ADAMTS2: variants seen among roughly 807,000 people sequenced by gnomAD.
ADAMTS2 encodes A disintegrin and metalloproteinase with thrombospondin motifs 2.
A neutral mutation model predicts 123.0 loss-of-function variants in ADAMTS2; 50 were observed. The ratio of observed to expected loss-of-function variants is 0.41; its 90% CI spans 0.32 to 0.51. The LOEUF (loss-of-function observed/expected upper bound fraction) is 0.51. Ranked by LOEUF, ADAMTS2 falls within the 20% of genes least tolerant of loss-of-function variation. ADAMTS2 has a pLI of 0.35. For missense variants in ADAMTS2, 1,494 were observed against 1,705.2 expected, an observed-to-expected ratio of 0.88 and a Z score of 2.18; for synonymous variants, 678 against 695.4, an observed-to-expected ratio of 0.98 and a Z score of 0.39.
At chr5:179,206,958 C>A (rs574727816) in intron 4 of ADAMTS2, among the ~76,000 whole-genome samples, 1 of 152,170 alleles carries the variant, frequency 6.6e-6, no homozygotes, top group Non-Finnish European at 1.5e-5. Context: ...CCCAATTCCT[C>A]CCACTGCGAG....
intron 5 of ADAMTS2, among the ~76,000 whole-genome samples, chr5:179,176,066 G>C (rs1224748843): frequency 6.6e-6 from 1 of 152,104 alleles, no homozygotes. Flanking sequence ...CTTTGACCTT[G>C]GGACCCCTCT....
chr5:179,267,646 T>C (rs1242223387), intron 3 of ADAMTS2, among the ~76,000 whole-genome samples: 1 of 152,218 alleles, frequency 6.6e-6, no homozygotes, highest in Non-Finnish European at 1.5e-5. Flanking sequence ...TACCTCTGCA[T>C]CACAGAAAGC....
chr5:179,181,413 T>G lies in ADAMTS2; in HGVS notation c.892-258A>C, dbSNP rs145264910. Among the ~76,000 whole-genome samples, 999 of 152,218 alleles carry G rather than the reference T, an allele frequency of 6.6e-3. 12 individuals carry two copies. Among genetic ancestry groups the G allele is most frequent in the African/African-American group, 0.022 (922 of 41,550 alleles). On this transcript the variant is annotated intron_variant, in intron 4 of 21. Coordinates refer to ENST00000251582, the MANE Select transcript of ADAMTS2 (RefSeq NM_014244.5). The surrounding 1 kb of genome is among the most constrained non-coding windows in gnomAD (Gnocchi z 4.1). ...CCCACCAGCCCAGGGTTTCCTCACCTGGGGCCTGAACATGGAACGTGGGCA... is the reference window on the plus strand; with the variant it reads ...CCCACCAGCCCAGGGTTTCCTCACCGGGGGCCTGAACATGGAACGTGGGCA...
rs536176653 is a variant in ADAMTS2, at chr5:179,123,633, C to T, written c.2959-860G>A. On this transcript the variant is annotated intron_variant, in intron 19 of 21. Transcript: ENST00000251582. Reference sequence around the variant, plus strand: ...TTGTAAAGACGGTGTTTTGCCATGCCGCCCAGGCTGGTCTCTAACACCTGA... The same window carrying T: ...TTGTAAAGACGGTGTTTTGCCATGCTGCCCAGGCTGGTCTCTAACACCTGA... 6.7e-4 allele frequency among the ~76,000 whole-genome samples: 102 copies of T among 152,264 alleles called. 1 individual carries two copies. The highest frequency in any genetic ancestry group is 2.1e-3 in the African/African-American group (89 of 41,550).
rs1480092350 is a variant in ADAMTS2 at position 179,345,333 on chromosome 5, G to A, written c.-5C>T. On this transcript the variant is annotated 5_prime_UTR_variant, in exon 1 of 22. Coordinates refer to ENST00000251582, the MANE Select transcript of ADAMTS2 (RefSeq NM_014244.5). This position sits in a 1 kb window ranked among gnomAD's most constrained non-coding sequence, Gnocchi z 7.5. ...GGCTCCCGCCGGCGGATCCATGGCAGCCGGACTGCAGCCGGGGCCCCGCAC... is the reference window on the plus strand; with the variant it reads ...GGCTCCCGCCGGCGGATCCATGGCAACCGGACTGCAGCCGGGGCCCCGCAC... 5.2e-5 allele frequency: 59 copies of A among 1,134,592 alleles called. No individual in the cohort carries two copies. The highest frequency in any genetic ancestry group is 5.9e-5 in the Non-Finnish European group (55 of 925,910). 70.3% of individuals were successfully genotyped at this position (1,134,592 alleles called of 1,614,324 possible). A position where few individuals can be genotyped will look rare whatever the true frequency, so the allele number is the denominator to read the frequency against.
intron 10 of ADAMTS2, among the ~76,000 whole-genome samples, chr5:179,141,114 C>T (rs1244908864): frequency 1.3e-5 from 2 of 152,074 alleles, no homozygotes; most frequent in Admixed American, 6.5e-5. Flanking sequence ...CGCGCCCGGC[C>T]GACTGCATAC....
rs1445231340 is a variant in ADAMTS2 at position 179,260,492 on chromosome 5, G to A, written c.688+12419C>T. On this transcript the variant is annotated intron_variant, in intron 3 of 21. Coordinates refer to ENST00000251582, the MANE Select transcript of ADAMTS2 (RefSeq NM_014244.5). This position sits in a 1 kb window ranked among gnomAD's most constrained non-coding sequence, Gnocchi z 4.2. ...AGTTCCAGGCCTTGGTGCTTGGAAG[G>A]CCCTCTGTCCAACAAACAGATGGGG... Among the ~76,000 whole-genome samples the A allele has an allele frequency of 1.3e-5, 2 of 152,136 alleles. No homozygotes were observed. The highest frequency in any genetic ancestry group is 2.9e-5 in the Non-Finnish European group (2 of 68,028).
chr5:179,139,527 G>A (rs1763123522), intron 11 of ADAMTS2, among the ~76,000 whole-genome samples: 1 of 152,072 alleles, frequency 6.6e-6, no homozygotes, highest in South Asian at 2.1e-4. Context: ...GCAAACAGCT[G>A]CCCAGGTGCT....
Position 179,332,248 on chromosome 5 carries a change from G to T in ADAMTS2, c.534+11519C>A, listed in dbSNP as rs910554738. Reference sequence around the variant, plus strand: ...GCAGGGCAAGGTAACGGGAAGGGCTGCAGAGCCTCCACGCCCTCTCTGGGC... The same window carrying T: ...GCAGGGCAAGGTAACGGGAAGGGCTTCAGAGCCTCCACGCCCTCTCTGGGC... On this transcript the variant is annotated intron_variant, in intron 2 of 21. Coordinates refer to ENST00000251582, the MANE Select transcript of ADAMTS2 (RefSeq NM_014244.5). The surrounding 1 kb of genome is among the most constrained non-coding windows in gnomAD (Gnocchi z 4.2). 1.3e-5 allele frequency among the ~76,000 whole-genome samples: 2 copies of T among 152,212 alleles called. No homozygotes were observed. The highest frequency in any genetic ancestry group is 2.9e-5 in the Non-Finnish European group (2 of 68,042).
In ADAMTS2 at chr5:179,158,775, G is replaced by A. The variant is rs777406209; in HGVS notation, c.1080C>T (p.His360=). 22 of 1,614,232 alleles carry A rather than the reference G, an allele frequency of 1.4e-5. No homozygotes were observed. The highest frequency in any genetic ancestry group is 6.7e-5 in the East Asian group (3 of 44,882). Residue 360 remains histidine, a synonymous_variant, in exon 6 of 22, where the codon CAC becomes CAT. Coordinates refer to ENST00000251582, the MANE Select transcript of ADAMTS2 (RefSeq NM_014244.5). This position sits in a 1 kb window ranked among gnomAD's most constrained non-coding sequence, Gnocchi z 5.0. ...QKPDTGHDEY[H]DHAIFLTRQD... is the part of the protein sequence containing the mutation. ...GCCGTGTGAGGAAGATGGCGTGATC[G>A]TGGTATTCATCGTGGCCCGTGTCTG... is the stretch of plus-strand genomic sequence containing the variant.
intron 3 of ADAMTS2, among the ~76,000 whole-genome samples, chr5:179,269,032 CG>C (rs988162978): frequency 3.3e-5 from 5 of 152,158 alleles, no homozygotes; most frequent in African/African-American, 1.2e-4. Context: ...CTGGATTACT[CG>C]GGTGAGTCCT....
intron 3 of ADAMTS2, among the ~76,000 whole-genome samples, chr5:179,249,667 C>T (rs1765875559): frequency 1.3e-5 from 2 of 152,010 alleles, no homozygotes; most frequent in South Asian, 4.1e-4. Context: ...GGACAAATTC[C>T]TAGCAACACA....
intron 4 of ADAMTS2, among the ~76,000 whole-genome samples, chr5:179,206,504 C>T (rs1387664743): frequency 6.6e-6 from 1 of 152,160 alleles, no homozygotes; most frequent in Admixed American, 6.5e-5. Flanking sequence ...TCCCACCTGC[C>T]CGGCTTCCAC....
Position 179,137,829 on chromosome 5 carries a change from C to T in ADAMTS2, c.1891G>A (p.Asp631Asn), listed in dbSNP as rs770163811. The T allele has an allele frequency of 1.9e-6, 3 of 1,576,764 alleles. No homozygotes were observed. The South Asian group carries it at 3.5e-5, about 18-fold the overall frequency. The change falls in exon 12 of 22, where the codon GAC becomes AAC. Residue 631 changes from aspartate to asparagine, a missense_variant. By Grantham distance (23) the Asp-to-Asn change is conservative. Coordinates refer to ENST00000251582, the MANE Select transcript of ADAMTS2 (RefSeq NM_014244.5). ...DFREEQCRQW[D>N]LYFEHGDAQH... ...GCGTCGCCGTGCTCGAAGTACAGGT[C>T]CCACTGGCGGCACTGCTCCTCGCGG...
Position 179,140,097 on chromosome 5 carries a change from C to T in ADAMTS2, c.1630-62G>A, listed in dbSNP as rs772544535. ...ACACCGGGCCGTGGGGACAGTCCTG[C>T]GCTCTGCAGCCTGCAGTGTCTGGGA... On this transcript the variant is annotated intron_variant, in intron 10 of 21. Coordinates refer to ENST00000251582, the MANE Select transcript of ADAMTS2 (RefSeq NM_014244.5). The T allele has an allele frequency of 3.3e-5, 53 of 1,609,254 alleles. No individual in the cohort carries two copies. The East Asian group carries it at 6.2e-4, about 19-fold the overall frequency.
In ADAMTS2 at chr5:179,341,339, GGAAA is replaced by G. The variant is rs200899134; in HGVS notation, c.534+2424_534+2427del. 6.4e-4 allele frequency: 242 copies of G among 378,318 alleles called. 7 individuals carry two copies. In the East Asian group the frequency reaches 0.016, roughly 24 times the overall value. The allele number at this position is 378,318 out of a possible 1,614,324, so 23.4% of individuals were successfully genotyped here. On this transcript the variant is annotated intron_variant, in intron 2 of 21. Coordinates refer to ENST00000251582, the MANE Select transcript of ADAMTS2 (RefSeq NM_014244.5). ...GAGTTTGAGACCAGCCTGATCAAAA[GGAAA>G]GAAAGAAAGAAAAAAAGGAAGGAAG...
chr5:179,244,009 G>A (rs1180817546), intron 3 of ADAMTS2, among the ~76,000 whole-genome samples: 2 of 152,080 alleles, frequency 1.3e-5, no homozygotes, highest in Non-Finnish European at 2.9e-5. Flanking sequence ...AAAGTAAACG[G>A]AACTTAAGAA....
At chr5:179,166,746 T>G (rs1028126431) in intron 5 of ADAMTS2, among the ~76,000 whole-genome samples, 14 of 152,184 alleles carry the variant, frequency 9.2e-5, no homozygotes, top group Admixed American at 7.2e-4. Flanking sequence ...TTGCTGTCGC[T>G]GGCCTCTGAG....
At chr5:179,290,169 C>G (rs947736956) in intron 2 of ADAMTS2, among the ~76,000 whole-genome samples, 1 of 152,124 alleles carries the variant, frequency 6.6e-6, no homozygotes, top group African/African-American at 2.4e-5. Flanking sequence ...TCATGGAGGC[C>G]GATCCCTCGT....
Sources: gnomAD v4.1 joint callset for allele counts (sites outside exome capture counted in the v4.1 genomes callset) on GRCh38, gnomAD v4.1.1 for gene constraint, Gnocchi (gnomAD v3.1) non-coding constraint, MANE v1.5 for transcripts, NCBI Gene and HGNC (gene_info 2026-07-23, HGNC 2026-07-21) for gene names.